The following CAPS2 variants were observed in gnomAD, a reference collection of about 807,000 sequenced individuals.
CAPS2 encodes calcyphosine 2, also known as calcyphosin-2.
Under a neutral mutation model 86.5 loss-of-function variants are expected in CAPS2, and 98 were observed. The observed-to-expected ratio is 1.13, with a 90% CI of 0.96 to 1.34. The LOEUF (loss-of-function observed/expected upper bound fraction) is 1.34. Among genes scored for constraint, CAPS2 ranks in the 40% most tolerant of loss-of-function variants. CAPS2 has a pLI of 0.00. For synonymous variants in CAPS2, 210 were observed against 225.1 expected (o/e 0.93, Z 0.60); for missense variants, 729 against 686.8 (o/e 1.06, Z -0.69).
chr12:75,390,034 G>A (rs888850920), intron 1 of CAPS2, among the ~76,000 whole-genome samples: 2 of 152,132 alleles, frequency 1.3e-5, no homozygotes, highest in African/African-American at 4.8e-5. Context: ...TTTTATAAAT[G>A]TTTGGCTAAC....
chr12:75,378,970 A>G (rs770623940), intron 1 of CAPS2, among the ~76,000 whole-genome samples: 2 of 152,232 alleles, frequency 1.3e-5, no homozygotes, highest in African/African-American at 2.4e-5. Flanking sequence ...GTGGTATGAA[A>G]TAACCTAAAG....
intron 14 of CAPS2, among the ~76,000 whole-genome samples, chr12:75,287,021 T>G (rs1421797344): frequency 6.6e-6 from 1 of 151,338 alleles, no homozygotes; most frequent in Non-Finnish European, 1.5e-5. Context: ...TCTAGTCCTA[T>G]ATCAGCTATT....
chr12:75,357,114 T>C (rs1298405853), intron 1 of CAPS2, among the ~76,000 whole-genome samples: 1 of 152,184 alleles, frequency 6.6e-6, no homozygotes, highest in Non-Finnish European at 1.5e-5. Flanking sequence ...AAGTAAAGCC[T>C]AGAATTTTGC....
downstream of CAPS2, chr12:75,277,129 G>A (rs1205580356): frequency 2.0e-6 from 2 of 982,190 alleles, no homozygotes; most frequent in African/African-American, 1.8e-5. Flanking sequence ...AACCACATGT[G>A]AATGCTTATG....
At chr12:75,325,635 G>A (rs914457048) in intron 1 of CAPS2, among the ~76,000 whole-genome samples, 1 of 151,828 alleles carries the variant, frequency 6.6e-6, no homozygotes, top group Non-Finnish European at 1.5e-5. Flanking sequence ...TTTTTTGTTT[G>A]TTTGTTTTGT....
At chr12:75,279,594 G>C (rs954561557) in intron 16 of CAPS2, among the ~76,000 whole-genome samples, 5 of 151,874 alleles carry the variant, frequency 3.3e-5, no homozygotes, top group Non-Finnish European at 5.9e-5. Flanking sequence ...TTCTCTAATG[G>C]ACTTAGACAA....
At chr12:75,281,359 A>C (rs2033910660) in intron 16 of CAPS2, among the ~76,000 whole-genome samples, 1 of 151,974 alleles carries the variant, frequency 6.6e-6, no homozygotes, top group South Asian at 2.1e-4. Flanking sequence ...TTAGAACTTA[A>C]AATCTAACAA....
chr12:75,356,579 T>C (rs1326753981), intron 1 of CAPS2, among the ~76,000 whole-genome samples: 2 of 151,592 alleles, frequency 1.3e-5, no homozygotes, highest in Admixed American at 6.6e-5. Context: ...GCAGGTAAAA[T>C]GGAATTTTTA....
At chr12:75,374,170 A>T (rs183771979) in intron 1 of CAPS2, among the ~76,000 whole-genome samples, 1 of 152,314 alleles carries the variant, frequency 6.6e-6, no homozygotes, top group Admixed American at 6.5e-5. Context: ...TGACGCCTTA[A>T]GCATAATTGG....
chr12:75,345,170 ACT>A (rs1278039108), intron 1 of CAPS2, among the ~76,000 whole-genome samples: 1 of 151,634 alleles, frequency 6.6e-6, no homozygotes, highest in Non-Finnish European at 1.5e-5. Flanking sequence ...TCTCAATCAG[ACT>A]CTCATAACTA....
upstream of CAPS2, among the ~76,000 whole-genome samples, chr12:75,328,512 G>A (rs1035803190): frequency 2.0e-5 from 3 of 152,250 alleles, no homozygotes; most frequent in Admixed American, 2.0e-4. Flanking sequence ...AAACAGTCAA[G>A]ACCAAGAAGG....
chr12:75,333,637 T>C (rs2041499213), upstream of CAPS2, among the ~76,000 whole-genome samples: 1 of 152,230 alleles, frequency 6.6e-6, no homozygotes, highest in Non-Finnish European at 1.5e-5. Context: ...CGTTTTCTTA[T>C]AATCTAATTT....
intron 1 of CAPS2, among the ~76,000 whole-genome samples, chr12:75,345,274 T>C (rs962187224): frequency 1.1e-4 from 16 of 152,132 alleles, no homozygotes; most frequent in Admixed American, 3.9e-4. Flanking sequence ...TCTTTTTTTT[T>C]CTGCAAATCT....
In CAPS2 at chr12:75,293,250, T is replaced by G. The variant is rs965790005; in HGVS notation, c.1162A>C (p.Lys388Gln). Residue 388 changes from lysine (K) to glutamine (Q), a missense_variant and splice_region_variant, in exon 12 of 17, where the codon AAA (lysine) becomes CAA (glutamine). Coordinates refer to ENST00000393284, the Ensembl canonical transcript of CAPS2. Reference sequence around the variant, plus strand: ...TTGCCAAATGCATATTTAACTTACTTGAGAGAATCCAAAGCTATTTGATCA... The same window carrying G: ...TTGCCAAATGCATATTTAACTTACTGGAGAGAATCCAAAGCTATTTGATCA... The G allele has an allele frequency of 8.3e-6, 13 of 1,570,898 alleles. No homozygotes were observed. The highest frequency in any genetic ancestry group is 1.1e-5 in the Non-Finnish European group (13 of 1,146,618).
Position 75,298,395 on chromosome 12 carries a change from G to T in CAPS2, c.1044+292C>A, listed in dbSNP as rs1163271997. 3 of 358,772 alleles carry T rather than the reference G, an allele frequency of 8.4e-6. No individual in the cohort carries two copies. The East Asian group carries it at 1.3e-4, about 16-fold the overall frequency. The allele number at this position is 358,772 out of a possible 1,614,324, so 22.2% of individuals were successfully genotyped here. A position where few individuals can be genotyped will look rare whatever the true frequency, so the allele number is the denominator to read the frequency against. On this transcript the variant is annotated intron_variant, in intron 11 of 16. Coordinates refer to ENST00000393284, the Ensembl canonical transcript of CAPS2. ...ACTCACCCAATGACACAGCTTTGAA[G>T]AACTTTTCAAAGTACGAAGATACAA...
chr12:75,313,672 A>T (rs1440747430), intron 6 of CAPS2, among the ~76,000 whole-genome samples: 1 of 152,214 alleles, frequency 6.6e-6, no homozygotes, highest in East Asian at 1.9e-4. Flanking sequence ...TAAAAAATTA[A>T]GAGGTCAAAA....
At chr12:75,297,395 T>C (rs997607476) in intron 11 of CAPS2, among the ~76,000 whole-genome samples, 3 of 152,224 alleles carry the variant, frequency 2.0e-5, no homozygotes, top group Non-Finnish European at 4.4e-5. Flanking sequence ...CTCCCTTAAC[T>C]GGCCACCAAA....
chr12:75,280,827 C>G (rs2033817622), intron 16 of CAPS2, among the ~76,000 whole-genome samples: 1 of 151,836 alleles, frequency 6.6e-6, no homozygotes, highest in African/African-American at 2.4e-5. Context: ...GATTTCATTT[C>G]ATACTTAAAA....
At chr12:75,332,414 T>C (rs1456820386), upstream of CAPS2, among the ~76,000 whole-genome samples, 2 of 152,306 alleles carry the variant, frequency 1.3e-5, no homozygotes, top group East Asian at 3.9e-4. Context: ...TTTTACTTTA[T>C]CTTTGTATTT....
Sources: allele counts gnomAD v4.1 joint callset (sites outside exome capture counted in the v4.1 genomes callset), GRCh38; gene constraint gnomAD v4.1.1; transcripts MANE v1.5; gene names NCBI Gene and HGNC (gene_info 2026-07-23, HGNC 2026-07-21).